Variants in STK32B observed in about 807,000 individuals in gnomAD.
STK32B encodes serine/threonine kinase 32B, also known as serine/threonine-protein kinase 32B.
In STK32B, 43 loss-of-function variants were observed where a neutral mutation model predicts 52.6. That is an observed-to-expected ratio of 0.82 (90% CI 0.64 to 1.05). The LOEUF is 1.05. STK32B is among the 50% of genes least tolerant of loss of function. The pLI is 0.00. For missense variants in STK32B, 621 were observed against 534.6 expected, an observed-to-expected ratio of 1.16 and a Z score of -1.59; for synonymous variants, 238 against 204.3, an observed-to-expected ratio of 1.17 and a Z score of -1.41.
At chr4:5,408,279 G>T (rs1737806722) in intron 5 of STK32B, among the ~76,000 whole-genome samples, 1 of 152,098 alleles carries the variant, frequency 6.6e-6, no homozygotes. Flanking sequence ...GGTGGGGCCT[G>T]GTGGGAGTTG....
At chr4:5,072,468 T>C (rs1473699367) in intron 1 of STK32B, among the ~76,000 whole-genome samples, 2 of 152,156 alleles carry the variant, frequency 1.3e-5, no homozygotes, top group African/African-American at 2.4e-5. Flanking sequence ...AGAAACCCCC[T>C]TACCTGTGCT....
chr4:5,398,123 C>A lies in STK32B; in HGVS notation c.435-84C>A, dbSNP rs1022540346. Reference sequence around the variant, plus strand: ...GAGGTGAGCAGCCTGGGTGTTCCAGCATTTGTCCTGATGTGGTGCTTGTCT... The same window carrying A: ...GAGGTGAGCAGCCTGGGTGTTCCAGAATTTGTCCTGATGTGGTGCTTGTCT... On this transcript the variant is annotated intron_variant, in intron 4 of 11. Transcript: ENST00000282908. The surrounding 1 kb of genome is among the most constrained non-coding windows in gnomAD (Gnocchi z 4.9). The A allele has an allele frequency of 6.6e-6, 10 of 1,509,746 alleles. No homozygotes were observed. The African/African-American group carries it at 1.2e-4, about 19-fold the overall frequency. 93.5% of individuals were successfully genotyped at this position (1,509,746 alleles called of 1,614,324 possible). A position where few individuals can be genotyped will look rare whatever the true frequency, so the allele number is the denominator to read the frequency against.
intron 3 of STK32B, among the ~76,000 whole-genome samples, chr4:5,179,550 CAG>C (rs1292216269): frequency 2.6e-5 from 4 of 151,988 alleles, no homozygotes; most frequent in Non-Finnish European, 4.4e-5. Context: ...ACTAGATTAA[CAG>C]ATGATAGATA....
At chr4:5,404,055 C>G (rs556089133) in intron 5 of STK32B, among the ~76,000 whole-genome samples, 41 of 152,136 alleles carry the variant, frequency 2.7e-4, no homozygotes, top group African/African-American at 9.2e-4. Context: ...AGCACTGTGC[C>G]AGGGGAGGGT....
chr4:5,206,790 T>C (rs1426343007), intron 3 of STK32B, among the ~76,000 whole-genome samples: 1 of 152,196 alleles, frequency 6.6e-6, no homozygotes, highest in Non-Finnish European at 1.5e-5. Context: ...AGAAGGAGCC[T>C]GCCCCGGGGT....
At chr4:5,338,793 A>G (rs1383437347) in intron 4 of STK32B, among the ~76,000 whole-genome samples, 4 of 152,180 alleles carry the variant, frequency 2.6e-5, no homozygotes, top group African/African-American at 9.7e-5. Flanking sequence ...GGAAAAGGAG[A>G]TATCCAGTAA....
intron 3 of STK32B, among the ~76,000 whole-genome samples, chr4:5,317,480 TTACATATA>T: frequency 1.6e-5 from 1 of 61,074 alleles, no homozygotes; most frequent in African/African-American, 8.0e-5. Context: ...AATATATATA[TTACATATA>T]TATAATATAT....
At chr4:5,338,179 T>G (rs1401177222) in intron 4 of STK32B, among the ~76,000 whole-genome samples, 1 of 152,200 alleles carries the variant, frequency 6.6e-6, no homozygotes, top group Admixed American at 6.5e-5. Flanking sequence ...TAACAAAACT[T>G]GCAAAACTAT....
At chr4:5,345,993 C>A (rs997362174) in intron 4 of STK32B, among the ~76,000 whole-genome samples, 1 of 152,076 alleles carries the variant, frequency 6.6e-6, no homozygotes, top group African/African-American at 2.4e-5. Context: ...ATGGGAATAT[C>A]ATTTGTGTTC....
chr4:5,054,808 C>A (rs1741935031), intron 1 of STK32B, among the ~76,000 whole-genome samples: 1 of 152,206 alleles, frequency 6.6e-6, no homozygotes, highest in Admixed American at 6.5e-5. Flanking sequence ...TAAACCACAG[C>A]TAAATATTTG....
the STK32B span, among the ~76,000 whole-genome samples, chr4:5,042,069 A>G: frequency 6.6e-6 from 1 of 152,218 alleles, no homozygotes; most frequent in Non-Finnish European, 1.5e-5. Context: ...TATGGCTCCA[A>G]ATGCAAGTAT....
intron 3 of STK32B, among the ~76,000 whole-genome samples, chr4:5,184,786 A>G (rs191983170): frequency 5.3e-5 from 8 of 152,354 alleles, no homozygotes; most frequent in Admixed American, 3.3e-4. Context: ...AGAATTATCA[A>G]AATGTGACAG....
chr4:5,234,316 T>C (rs1724479974), intron 3 of STK32B, among the ~76,000 whole-genome samples: 1 of 152,220 alleles, frequency 6.6e-6, no homozygotes, highest in African/African-American at 2.4e-5. Flanking sequence ...AAATGAGCTA[T>C]TGTATACCAA....
chr4:5,128,107 G>T (rs1715521826), intron 1 of STK32B, among the ~76,000 whole-genome samples: 2 of 152,128 alleles, frequency 1.3e-5, no homozygotes, highest in Non-Finnish European at 2.9e-5. Context: ...AATACAGCTG[G>T]CAACTCCCAG....
intron 1 of STK32B, among the ~76,000 whole-genome samples, chr4:5,074,186 A>G (rs1577050627): frequency 1.1e-5 from 1 of 87,054 alleles, no homozygotes; most frequent in East Asian, 2.5e-4. Context: ...GTAAATATAT[A>G]TATGTGTGTG....
intron 4 of STK32B, among the ~76,000 whole-genome samples, chr4:5,356,636 G>A (rs62297282): frequency 0.051 from 7,775 of 152,138 alleles, 414 homozygotes; most frequent in Admixed American, 0.17. Context: ...GCAACCAGGC[G>A]GTCCTTCTGG....
intron 1 of STK32B, among the ~76,000 whole-genome samples, chr4:5,139,018 C>T (rs1041388045): frequency 2.0e-5 from 3 of 152,096 alleles, no homozygotes; most frequent in Admixed American, 6.5e-5. Flanking sequence ...CACTCGGCTC[C>T]TCACACATTT....
At chr4:5,198,103 G>A (rs1721837297) in intron 3 of STK32B, among the ~76,000 whole-genome samples, 1 of 151,992 alleles carries the variant, frequency 6.6e-6, no homozygotes, top group African/African-American at 2.4e-5. Context: ...CATCAGAGTA[G>A]GAACTTCACA....
At position 5,499,021 on chromosome 4, in the gene STK32B, C is replaced by A; in HGVS notation, c.1183C>A (p.Leu395Ile). ...SRGGGQAQSK[L>I]QDGCNNNLLT... ...AGGGGGAGGCCAGGCCCAAAGCAAG[C>A]TCCAGGACGGGTGCAACAACAACCT... Residue 395 changes from leucine (L) to isoleucine (I), a missense_variant, in exon 12 of 12, where the codon CTC becomes ATC. Coordinates refer to ENST00000282908, the MANE Select transcript of STK32B (RefSeq NM_018401.3). 1 of 1,613,918 alleles carries A rather than the reference C, an allele frequency of 6.2e-7. No individual in the cohort carries two copies. Among genetic ancestry groups the A allele is most frequent in the South Asian group, 1.1e-5 (1 of 91,032 alleles).
Sources: allele counts gnomAD v4.1 joint callset (sites outside exome capture counted in the v4.1 genomes callset), GRCh38; gene constraint gnomAD v4.1.1; non-coding constraint Gnocchi (gnomAD v3.1); transcripts MANE v1.5; gene names NCBI Gene and HGNC (gene_info 2026-07-23, HGNC 2026-07-21).